IL1RAPL2: variants seen among roughly 807,000 people sequenced by gnomAD.
IL1RAPL2 encodes the protein X-linked interleukin-1 receptor accessory protein-like 2.
In IL1RAPL2, 3 loss-of-function variants were observed where a neutral mutation model predicts 44.1. The observed-to-expected ratio is 0.07, with a 90% CI of 0.03 to 0.18. The LOEUF is 0.18. Among genes scored for constraint, IL1RAPL2 ranks in the 10% least tolerant of loss-of-function variants. The pLI, the probability that IL1RAPL2 is intolerant of heterozygous loss-of-function variation, is 1.00. For missense variants in IL1RAPL2, 391 were observed against 496.4 expected (o/e 0.79, Z 2.02); for synonymous variants, 181 against 178.8 (o/e 1.01, Z -0.10).
chrX:104,883,769 A>T (rs762162566), intron 2 of IL1RAPL2, among the ~76,000 whole-genome samples: 1 of 111,539 alleles, frequency 9.0e-6, no homozygotes, highest in African/African-American at 3.3e-5. Context: ...AAGCCCCATC[A>T]CAGGGGGGAC....
At chrX:105,307,001 C>T (rs562815637) in intron 5 of IL1RAPL2, among the ~76,000 whole-genome samples, 4 of 111,079 alleles carry the variant, frequency 3.6e-5, no homozygotes, top group East Asian at 2.9e-4. Context: ...ACATCTTACA[C>T]GGTGGCAGGC....
At chrX:104,776,493 A>C (rs1288482940) in intron 2 of IL1RAPL2, among the ~76,000 whole-genome samples, 1 of 111,761 alleles carries the variant, frequency 8.9e-6, no homozygotes, top group Non-Finnish European at 1.9e-5. Context: ...AAAAGAGGAT[A>C]ATTCTGTAAT....
chrX:105,437,025 G>A (rs1602411564), intron 5 of IL1RAPL2, among the ~76,000 whole-genome samples: 6 of 91,084 alleles, frequency 6.6e-5, no homozygotes, highest in Admixed American at 1.2e-4. Flanking sequence ...AAATATAAAC[G>A]TATATATATA....
intron 3 of IL1RAPL2, among the ~76,000 whole-genome samples, chrX:105,208,156 G>GTAT (rs2147618507): frequency 9.0e-6 from 1 of 111,286 alleles, no homozygotes; most frequent in African/African-American, 3.3e-5. Flanking sequence ...TTTTTTCTGA[G>GTAT]TATGAACCTA....
intron 2 of IL1RAPL2, among the ~76,000 whole-genome samples, chrX:104,891,452 G>C (rs1923438105): frequency 1.8e-5 from 2 of 111,808 alleles, no homozygotes; most frequent in South Asian, 7.5e-4. Flanking sequence ...TCTTCCATTT[G>C]TGTCCTCTTT....
intron 2 of IL1RAPL2, among the ~76,000 whole-genome samples, chrX:105,009,807 G>T (rs1276060920): frequency 3.6e-5 from 4 of 110,305 alleles, no homozygotes; most frequent in Non-Finnish European, 7.6e-5. Flanking sequence ...ATACTGTTTT[G>T]TTAGGTGTAA....
At chrX:105,043,324 C>T (rs951913499) in intron 2 of IL1RAPL2, among the ~76,000 whole-genome samples, 12 of 110,675 alleles carry the variant, frequency 1.1e-4, no homozygotes, top group Non-Finnish European at 2.1e-4. Context: ...CCCTGCTAAA[C>T]CACTCCAAGG....
intron 2 of IL1RAPL2, among the ~76,000 whole-genome samples, chrX:104,735,117 T>C (rs1294172115): frequency 8.9e-6 from 1 of 111,757 alleles, no homozygotes; most frequent in African/African-American, 3.2e-5. Context: ...ATAAAATCTT[T>C]AGGAAGAAAG....
chrX:105,568,542 G>A (rs944638317), intron 6 of IL1RAPL2, among the ~76,000 whole-genome samples: 1 of 111,746 alleles, frequency 8.9e-6, no homozygotes, highest in African/African-American at 3.2e-5. Context: ...CCCAGATTAG[G>A]CTGTCCTGGC....
At chrX:105,704,983 C>G (rs765549277) in intron 6 of IL1RAPL2, among the ~76,000 whole-genome samples, 12 of 111,139 alleles carry the variant, frequency 1.1e-4, no homozygotes, top group Non-Finnish European at 2.1e-4. Flanking sequence ...CTATGGTGTT[C>G]CTTCTTGCTG....
chrX:104,636,426 G>T (rs1929807466), intron 1 of IL1RAPL2, among the ~76,000 whole-genome samples: 1 of 112,320 alleles, frequency 8.9e-6, no homozygotes, highest in African/African-American at 3.2e-5. Flanking sequence ...GTTTTGCAGT[G>T]CCCTGCCCCC....
intron 5 of IL1RAPL2, among the ~76,000 whole-genome samples, chrX:105,315,045 C>A (rs1403464870): frequency 8.9e-6 from 1 of 112,126 alleles, no homozygotes; most frequent in African/African-American, 3.2e-5. Context: ...AGGCTCTTAA[C>A]ATATTAAAAA....
intron 6 of IL1RAPL2, among the ~76,000 whole-genome samples, chrX:105,546,119 C>G (rs2036795874): frequency 9.0e-6 from 1 of 111,222 alleles, no homozygotes; most frequent in Admixed American, 9.6e-5. Context: ...TCACGGCCTT[C>G]CACACCCTAA....
chrX:105,533,806 T>C (rs1012670715), intron 6 of IL1RAPL2, among the ~76,000 whole-genome samples: 1 of 112,094 alleles, frequency 8.9e-6, no homozygotes, highest in Admixed American at 9.5e-5. Flanking sequence ...CTGAGCAGTA[T>C]TCTGTGGAAT....
chrX:104,629,438 G>T (rs930085050), intron 1 of IL1RAPL2, among the ~76,000 whole-genome samples: 7 of 111,915 alleles, frequency 6.3e-5, no homozygotes, highest in African/African-American at 2.3e-4. Flanking sequence ...TTAGTCTCTT[G>T]TTAGGGAATA....
chrX:105,630,496 A>G (rs1390785329), intron 6 of IL1RAPL2, among the ~76,000 whole-genome samples: 3 of 83,712 alleles, frequency 3.6e-5, no homozygotes, highest in African/African-American at 1.9e-4. Context: ...CTTCAAATTC[A>G]GAGCTTTTTT....
chrX:104,890,157 T>C (rs1310192516), intron 2 of IL1RAPL2, among the ~76,000 whole-genome samples: 2 of 112,241 alleles, frequency 1.8e-5, no homozygotes, highest in Non-Finnish European at 1.9e-5. Flanking sequence ...CATAGTATAC[T>C]GTGGTGTATA....
intron 6 of IL1RAPL2, among the ~76,000 whole-genome samples, chrX:105,552,978 A>T (rs1006460584): frequency 4.5e-5 from 5 of 111,932 alleles, no homozygotes; most frequent in African/African-American, 1.6e-4. Flanking sequence ...TAATGCTTTG[A>T]TATATGCCAA....
chrX:105,584,389 A>G (rs193245501), intron 6 of IL1RAPL2, among the ~76,000 whole-genome samples: 1 of 111,791 alleles, frequency 8.9e-6, no homozygotes, highest in African/African-American at 3.2e-5. Context: ...TTGCTCTGAA[A>G]TCTATTTTGT....
Sources: gnomAD v4.1 joint callset for allele counts (sites outside exome capture counted in the v4.1 genomes callset) on GRCh38, gnomAD v4.1.1 for gene constraint, MANE v1.5 for transcripts, NCBI Gene and HGNC (gene_info 2026-07-23, HGNC 2026-07-21) for gene names.